The following XKR6 variants were observed in gnomAD, a reference collection of about 807,000 sequenced individuals.
The protein encoded by XKR6 is XK related 6.
In XKR6, 22 loss-of-function variants were observed where a neutral mutation model predicts 56.7. The observed-to-expected ratio is 0.39, with a 90% CI of 0.28 to 0.55. The LOEUF is 0.55. Ranked by LOEUF, XKR6 falls within the 20% of genes least tolerant of loss-of-function variation. The pLI, the probability that XKR6 is intolerant of heterozygous loss-of-function variation, is 0.66. For synonymous variants in XKR6, 524 were observed against 387.8 expected (o/e 1.35, Z -4.13); for missense variants, 852 against 889.0 (o/e 0.96, Z 0.53).
At chr8:10,961,650 T>A (rs562183424) in intron 1 of XKR6, among the ~76,000 whole-genome samples, 23 of 152,354 alleles carry the variant, frequency 1.5e-4, no homozygotes, top group African/African-American at 5.5e-4. Context: ...ACCTCCAGCT[T>A]CCTGGCAACA....
intron 1 of XKR6, among the ~76,000 whole-genome samples, chr8:11,086,580 T>C (rs537574086): frequency 1.3e-5 from 2 of 152,160 alleles, no homozygotes; most frequent in African/African-American, 2.4e-5. Flanking sequence ...AAATGTCAGA[T>C]AGAATAAAAA....
intron 1 of XKR6, among the ~76,000 whole-genome samples, chr8:11,196,779 C>T (rs1023092249): frequency 4.6e-5 from 7 of 152,216 alleles, no homozygotes; most frequent in Admixed American, 2.0e-4. Flanking sequence ...AGCAGTGCCT[C>T]GGCCTTTCTA....
At chr8:11,154,162 G>T (rs916922153) in intron 1 of XKR6, among the ~76,000 whole-genome samples, 2 of 152,182 alleles carry the variant, frequency 1.3e-5, no homozygotes, top group African/African-American at 4.8e-5. Flanking sequence ...TTAGGGTAGG[G>T]TTGGCCATAT....
chr8:11,172,130 G>A (rs995509099), intron 1 of XKR6, among the ~76,000 whole-genome samples: 2 of 151,950 alleles, frequency 1.3e-5, no homozygotes, highest in Non-Finnish European at 2.9e-5. Context: ...CAGCACGTTG[G>A]GAGCCTGAGG....
chr8:10,930,021 C>T (rs1191649278), intron 1 of XKR6, among the ~76,000 whole-genome samples: 3 of 152,172 alleles, frequency 2.0e-5, no homozygotes, highest in Non-Finnish European at 2.9e-5. Flanking sequence ...TCGTCTGAGG[C>T]TCAGAAAGAC....
chr8:11,087,261 C>G (rs1586526703), intron 1 of XKR6, among the ~76,000 whole-genome samples: 1 of 152,210 alleles, frequency 6.6e-6, no homozygotes, highest in Non-Finnish European at 1.5e-5. Flanking sequence ...GCAAAGATCC[C>G]ACTTGGCCTC....
intron 1 of XKR6, among the ~76,000 whole-genome samples, chr8:11,183,974 G>A (rs919644567): frequency 2.0e-5 from 3 of 152,020 alleles, no homozygotes; most frequent in Admixed American, 6.6e-5. Flanking sequence ...AATATCCCCC[G>A]GCTACAACAG....
At chr8:11,004,464 G>A (rs1014258332) in intron 1 of XKR6, among the ~76,000 whole-genome samples, 5 of 149,780 alleles carry the variant, frequency 3.3e-5, no homozygotes, top group African/African-American at 1.3e-4. Context: ...GACACAGTGA[G>A]AGTCCATCTC....
At chr8:11,003,214 C>G (rs1461889814) in intron 1 of XKR6, among the ~76,000 whole-genome samples, 1 of 152,190 alleles carries the variant, frequency 6.6e-6, no homozygotes, top group African/African-American at 2.4e-5. Flanking sequence ...TGAAGCTGCA[C>G]ACCACCTGGC....
At position 10,912,496 on chromosome 8, in the gene XKR6, G is replaced by C. The variant is rs959590466; in HGVS notation, c.961+12138C>G. Among the ~76,000 whole-genome samples, 6 of 141,470 alleles carry C rather than the reference G, an allele frequency of 4.2e-5. No homozygotes were observed. In the East Asian group the frequency reaches 1.1e-3, roughly 25 times the overall value. 92.8% of individuals were successfully genotyped at this position (141,470 alleles called of 152,430 possible). ...AGAGAGAGAGAGAGAGAGACAGGGTGTGTATGTGTGTGTATATACATAGAG... is the reference window on the plus strand; with the variant it reads ...AGAGAGAGAGAGAGAGAGACAGGGTCTGTATGTGTGTGTATATACATAGAG... On this transcript the variant is annotated intron_variant, in intron 2 of 2. Transcript: ENST00000416569.
At chr8:10,970,450 C>G (rs936936720) in intron 1 of XKR6, among the ~76,000 whole-genome samples, 1 of 152,138 alleles carries the variant, frequency 6.6e-6, no homozygotes, top group East Asian at 1.9e-4. Context: ...TGGCACTGTC[C>G]TAAGCACCAA....
At chr8:11,080,538 T>C (rs1002456134) in intron 1 of XKR6, among the ~76,000 whole-genome samples, 2 of 152,252 alleles carry the variant, frequency 1.3e-5, no homozygotes, top group Non-Finnish European at 2.9e-5. Context: ...AAGTCAACAC[T>C]TGCCACTGCT....
At chr8:11,077,055 G>A (rs1420801079) in intron 1 of XKR6, among the ~76,000 whole-genome samples, 1 of 142,458 alleles carries the variant, frequency 7.0e-6, no homozygotes, top group African/African-American at 2.7e-5. Flanking sequence ...CATGCCTGTA[G>A]TCCCAAGCTA....
At position 11,161,876 on chromosome 8, in the gene XKR6, G is replaced by A. The variant is rs965305678; in HGVS notation, c.764+38700C>T. Among the ~76,000 whole-genome samples, 5 of 152,098 alleles carry A rather than the reference G, an allele frequency of 3.3e-5. No homozygotes were observed. In the East Asian group the frequency reaches 7.7e-4, roughly 23 times the overall value. The stretch of plus-strand genomic sequence containing the variant: ...TGAAAAAGACGGAAATGAAAGAAGG[G>A]TTAGCTTGCCTTTCTAAAGATAAAT... On this transcript the variant is annotated intron_variant, in intron 1 of 2. Coordinates refer to ENST00000416569, the MANE Select transcript of XKR6 (RefSeq NM_173683.4).
At chr8:11,190,134 G>C (rs1409306312) in intron 1 of XKR6, among the ~76,000 whole-genome samples, 1 of 146,878 alleles carries the variant, frequency 6.8e-6, no homozygotes, top group Non-Finnish European at 1.5e-5. Flanking sequence ...TCCAGCCTGG[G>C]CAACAAGAGT....
chr8:11,114,949 A>C (rs1366068132), intron 1 of XKR6, among the ~76,000 whole-genome samples: 1 of 152,132 alleles, frequency 6.6e-6, no homozygotes, highest in African/African-American at 2.4e-5. Context: ...ACAAATACCG[A>C]ATGTTTCTAA....
intron 1 of XKR6, among the ~76,000 whole-genome samples, chr8:11,077,993 C>T (rs1261599226): frequency 6.6e-6 from 1 of 152,128 alleles, no homozygotes; most frequent in Non-Finnish European, 1.5e-5. Context: ...ACCTGACAAG[C>T]ACTGACCCTC....
At chr8:10,923,679 G>A (rs1459057931) in intron 2 of XKR6, among the ~76,000 whole-genome samples, 3 of 152,244 alleles carry the variant, frequency 2.0e-5, no homozygotes, top group Admixed American at 6.5e-5. Context: ...TTGGTGAGGA[G>A]GTCCGTGTGG....
intron 1 of XKR6, among the ~76,000 whole-genome samples, chr8:10,988,076 C>T (rs56805382): frequency 0.025 from 3,821 of 152,290 alleles, 165 homozygotes; most frequent in African/African-American, 0.087. Context: ...GGGCTGTTCC[C>T]GGGCCATCCC....
Sources: gnomAD v4.1 joint callset for allele counts (sites outside exome capture counted in the v4.1 genomes callset) on GRCh38, gnomAD v4.1.1 for gene constraint, MANE v1.5 for transcripts, NCBI Gene and HGNC (gene_info 2026-07-23, HGNC 2026-07-21) for gene names.